SLC30A8: variants seen among roughly 807,000 people sequenced by gnomAD.
The protein encoded by SLC30A8 is proton-coupled zinc antiporter SLC30A8.
In SLC30A8, 27 loss-of-function variants were observed where a neutral mutation model predicts 36.9. The ratio of observed to expected loss-of-function variants is 0.73; its 90% CI spans 0.54 to 1.01. The LOEUF is 1.01. Ranked by LOEUF, SLC30A8 falls within the 50% of genes least tolerant of loss-of-function variation. The probability of loss-of-function intolerance (pLI) is 0.00; values close to 1 mark genes in which losing one functional copy is unlikely to be tolerated. For synonymous variants in SLC30A8, 164 were observed against 172.4 expected, an observed-to-expected ratio of 0.95 and a Z score of 0.38; for missense variants, 439 against 452.0, an observed-to-expected ratio of 0.97 and a Z score of 0.26.
intron 2 of SLC30A8, among the ~76,000 whole-genome samples, chr8:117,068,185 G>A (rs1435175739): frequency 1.3e-5 from 2 of 152,078 alleles, no homozygotes; most frequent in Non-Finnish European, 2.9e-5. Context: ...CCATTAAGAG[G>A]AGGCACTGCA....
intron 2 of SLC30A8, among the ~76,000 whole-genome samples, chr8:117,082,301 C>T (rs1027829850): frequency 3.3e-5 from 5 of 151,800 alleles, no homozygotes; most frequent in Non-Finnish European, 5.9e-5. Flanking sequence ...TAATGACTCC[C>T]TAATGATGAA....
chr8:116,979,786 A>G (rs1325735299), intron 1 of SLC30A8, among the ~76,000 whole-genome samples: 1 of 152,204 alleles, frequency 6.6e-6, no homozygotes, highest in Non-Finnish European at 1.5e-5. Flanking sequence ...CCATGAAAGC[A>G]GTCTGTTATC....
At chr8:117,144,503 A>AATTAT (rs1477927905) in intron 1 of SLC30A8, among the ~76,000 whole-genome samples, 3 of 152,168 alleles carry the variant, frequency 2.0e-5, no homozygotes, top group African/African-American at 7.2e-5. Flanking sequence ...AGCAAAGATT[A>AATTAT]ATTATAAGGA....
intron 2 of SLC30A8, among the ~76,000 whole-genome samples, chr8:117,120,032 A>G (rs1820624546): frequency 6.6e-6 from 1 of 151,946 alleles, no homozygotes; most frequent in African/African-American, 2.4e-5. Flanking sequence ...TATTGTTCAA[A>G]TGTGCACACT....
At chr8:117,001,508 A>G (rs1382729678) in intron 1 of SLC30A8, among the ~76,000 whole-genome samples, 1 of 152,174 alleles carries the variant, frequency 6.6e-6, no homozygotes, top group East Asian at 1.9e-4. Context: ...GACTGAAAGC[A>G]TCCTGATACA....
chr8:117,103,908 A>G (rs990427946), intron 2 of SLC30A8, among the ~76,000 whole-genome samples: 1 of 152,170 alleles, frequency 6.6e-6, no homozygotes, highest in Non-Finnish European at 1.5e-5. Context: ...GTTGTATAAC[A>G]TTCTCAAAAC....
intron 1 of SLC30A8, among the ~76,000 whole-genome samples, chr8:116,963,754 A>C (rs1814510050): frequency 6.6e-6 from 1 of 152,178 alleles, no homozygotes; most frequent in African/African-American, 2.4e-5. Context: ...ACCTGTTTTC[A>C]TTGCTTTGGA....
chr8:117,162,963 A>G (rs1245209308), intron 5 of SLC30A8, among the ~76,000 whole-genome samples: 2 of 152,266 alleles, frequency 1.3e-5, no homozygotes, highest in African/African-American at 2.4e-5. Flanking sequence ...AACTCACTCC[A>G]GTCAGCCAAG....
At position 117,171,017 on chromosome 8, in the gene SLC30A8, C is replaced by T; in HGVS notation, c.830-17C>T. ...CTAGTTGAATAACTACAGCCTCCAT[C>T]TCTTCCCTTTTGTCAGGTGTGCCAA... is the stretch of plus-strand genomic sequence containing the variant. On this transcript the variant is annotated splice_polypyrimidine_tract_variant and intron_variant, in intron 6 of 7. Coordinates refer to ENST00000456015, the MANE Select transcript of SLC30A8 (RefSeq NM_173851.3). 7 of 1,570,058 alleles carry T rather than the reference C, an allele frequency of 4.5e-6. No homozygotes were observed. The highest frequency in any genetic ancestry group is 6.0e-6 in the Non-Finnish European group (7 of 1,160,736).
chr8:117,041,823 T>C (rs979207266), intron 2 of SLC30A8, among the ~76,000 whole-genome samples: 2 of 152,258 alleles, frequency 1.3e-5, no homozygotes, highest in African/African-American at 4.8e-5. Context: ...AGTGAGTTGC[T>C]TCTGCCGTCT....
chr8:117,132,367 G>T (rs1821170341), upstream of SLC30A8, among the ~76,000 whole-genome samples: 1 of 151,998 alleles, frequency 6.6e-6, no homozygotes, highest in Admixed American at 6.6e-5. Context: ...AGCCAAACCA[G>T]TTCTTCAGTG....
In SLC30A8 at chr8:116,952,548, G is replaced by A. The variant is rs551303544; in HGVS notation, c.-266+1429G>A. Reference sequence around the variant, plus strand: ...CAAACTCCGCCTTCCGGGTTCAAGCGATTCTCCTGCCTCAGCCTCCCGAGT... The same window carrying A: ...CAAACTCCGCCTTCCGGGTTCAAGCAATTCTCCTGCCTCAGCCTCCCGAGT... On this transcript the variant is annotated intron_variant, in intron 1 of 10. Transcript: ENST00000427715. Among the ~76,000 whole-genome samples the A allele has an allele frequency of 3.9e-5, 6 of 152,004 alleles. No homozygotes were observed. In the East Asian group the frequency reaches 5.8e-4, roughly 15 times the overall value.
chr8:117,026,510 C>G (rs1225195359), intron 1 of SLC30A8, among the ~76,000 whole-genome samples: 1 of 152,116 alleles, frequency 6.6e-6, no homozygotes, highest in Non-Finnish European at 1.5e-5. Context: ...ACTGACCTCC[C>G]TCTCTCTGTA....
At chr8:117,038,573 T>C (rs1817287315) in intron 1 of SLC30A8, among the ~76,000 whole-genome samples, 1 of 152,214 alleles carries the variant, frequency 6.6e-6, no homozygotes, top group Non-Finnish European at 1.5e-5. Flanking sequence ...CTACAAACAA[T>C]ACTGCAATAA....
Position 117,172,479 on chromosome 8 carries a change from G to A in SLC30A8, c.965-57G>A. The A allele has an allele frequency of 1.9e-6, 3 of 1,611,446 alleles. No individual in the cohort carries two copies. The South Asian group carries it at 3.3e-5, about 18-fold the overall frequency. Reference sequence around the variant, plus strand: ...CAAAGTACTTGAAGTTGGAGTCAGAGCAGTCGCCCATGCGTGTGCAATCAG... The same window carrying A: ...CAAAGTACTTGAAGTTGGAGTCAGAACAGTCGCCCATGCGTGTGCAATCAG... On this transcript the variant is annotated intron_variant, in intron 7 of 7. Coordinates refer to ENST00000456015, the MANE Select transcript of SLC30A8 (RefSeq NM_173851.3).
intron 1 of SLC30A8, among the ~76,000 whole-genome samples, chr8:116,999,776 G>A (rs982052871): frequency 2.0e-5 from 3 of 151,956 alleles, no homozygotes; most frequent in East Asian, 1.9e-4. Flanking sequence ...ATTATAGTAG[G>A]ATATGCAGAG....
At chr8:116,994,249 C>T (rs1031925749) in intron 1 of SLC30A8, among the ~76,000 whole-genome samples, 1 of 152,062 alleles carries the variant, frequency 6.6e-6, no homozygotes, top group Admixed American at 6.6e-5. Flanking sequence ...TAGTTTGGCA[C>T]TGCTACTGAA....
chr8:117,132,931 T>C (rs964780309), upstream of SLC30A8, among the ~76,000 whole-genome samples: 2 of 150,578 alleles, frequency 1.3e-5, no homozygotes, highest in African/African-American at 2.5e-5. Flanking sequence ...TCTGTTCTTA[T>C]GCTACTCACA....
At chr8:117,057,210 C>T (rs1817898153) in intron 2 of SLC30A8, among the ~76,000 whole-genome samples, 1 of 152,040 alleles carries the variant, frequency 6.6e-6, no homozygotes, top group Non-Finnish European at 1.5e-5. Flanking sequence ...CAAACAAGCT[C>T]CCTGAGACCA....
Sources: allele counts gnomAD v4.1 joint callset (sites outside exome capture counted in the v4.1 genomes callset), GRCh38; gene constraint gnomAD v4.1.1; transcripts MANE v1.5; gene names NCBI Gene and HGNC (gene_info 2026-07-23, HGNC 2026-07-21).